Variants in ADARB1 observed in about 807,000 individuals in gnomAD.
ADARB1 encodes double-stranded RNA-specific editase 1.
ADARB1 carries 10 observed loss-of-function variants against 52.4 expected under a neutral mutation model. That is an observed-to-expected ratio of 0.19 (90% CI 0.12 to 0.32). The LOEUF (loss-of-function observed/expected upper bound fraction) is 0.32, where lower values mean the gene tolerates loss of function less well. Ranked by LOEUF, ADARB1 falls within the 10% of genes least tolerant of loss-of-function variation. The probability of loss-of-function intolerance (pLI) is 1.00; values close to 1 mark genes in which losing one functional copy is unlikely to be tolerated. For synonymous variants in ADARB1, 349 were observed against 371.1 expected, an observed-to-expected ratio of 0.94 and a Z score of 0.68; for missense variants, 643 against 922.3, an observed-to-expected ratio of 0.70 and a Z score of 3.92.
chr21:45,135,755 T>TAC (rs2089324397), intron 2 of ADARB1, among the ~76,000 whole-genome samples: 2 of 151,884 alleles, frequency 1.3e-5, no homozygotes, highest in Non-Finnish European at 2.9e-5. Flanking sequence ...AAAAAAAACA[T>TAC]ATGAAGTGTA....
In ADARB1 at chr21:45,204,410, TG is replaced by T. The variant is rs1159977825; in HGVS notation, c.1566-144del. 4.4e-6 allele frequency: 3 copies of T among 687,180 alleles called. No individual in the cohort carries two copies. Among genetic ancestry groups the T allele is most frequent in the Non-Finnish European group, 7.4e-6 (3 of 407,920 alleles). 42.6% of individuals were successfully genotyped at this position (687,180 alleles called of 1,614,324 possible). A position where few individuals can be genotyped will look rare whatever the true frequency, so the allele number is the denominator to read the frequency against. On this transcript the variant is annotated intron_variant, in intron 8 of 10. Coordinates refer to ENST00000348831, the MANE Select transcript of ADARB1 (RefSeq NM_001112.4). This position sits in a 1 kb window ranked among gnomAD's most constrained non-coding sequence, Gnocchi z 4.4. ...GTGATCGTAAGCTGCTAAATCAGTC[TG>T]TTAACTTTTTGTTGCACTCCTTCGT...
At chr21:45,081,526 T>A (rs1005376999) in intron 1 of ADARB1, among the ~76,000 whole-genome samples, 9 of 152,158 alleles carry the variant, frequency 5.9e-5, no homozygotes, top group African/African-American at 9.7e-5. Flanking sequence ...TAAGCTTTGA[T>A]GTTTGGTAGG....
At chr21:45,213,935 G>A (rs2092815504) in intron 9 of ADARB1, among the ~76,000 whole-genome samples, 1 of 152,156 alleles carries the variant, frequency 6.6e-6, no homozygotes, top group Non-Finnish European at 1.5e-5. Context: ...TCCTAAGATA[G>A]GTGTATGTTG....
chr21:45,119,695 T>C (rs1157539229), intron 1 of ADARB1, among the ~76,000 whole-genome samples: 1 of 152,344 alleles, frequency 6.6e-6, no homozygotes, highest in East Asian at 1.9e-4. Flanking sequence ...ATGTTACTGC[T>C]GCATCAGAAT....
rs1274817143 is a variant in ADARB1 at position 45,116,656 on chromosome 21, A to G, written c.-219-11746A>G. Among the ~76,000 whole-genome samples, 5 of 152,324 alleles carry G rather than the reference A, an allele frequency of 3.3e-5. No homozygotes were observed. The East Asian group carries it at 9.6e-4, about 29-fold the overall frequency. ...TTACAATCATGGTGGAAGGGGAAGC[A>G]AACACATCATTCTTCACATGGCAAC... On this transcript the variant is annotated intron_variant, in intron 1 of 10. Coordinates refer to ENST00000348831, the MANE Select transcript of ADARB1 (RefSeq NM_001112.4).
chr21:45,131,310 C>G (rs2088916876), intron 2 of ADARB1, among the ~76,000 whole-genome samples: 1 of 152,188 alleles, frequency 6.6e-6, no homozygotes, highest in Non-Finnish European at 1.5e-5. Flanking sequence ...GCATTACTTT[C>G]TGAAATGGTC....
intron 1 of ADARB1, among the ~76,000 whole-genome samples, chr21:45,098,621 C>T (rs2086869554): frequency 6.6e-6 from 1 of 152,196 alleles, no homozygotes; most frequent in South Asian, 2.1e-4. Flanking sequence ...GCCTCAGTTT[C>T]CCTATGTGCA....
At position 45,200,368 on chromosome 21, in the gene ADARB1, G is replaced by A. The variant is rs970185122; in HGVS notation, c.1566-4187G>A. 1.3e-5 allele frequency among the ~76,000 whole-genome samples: 2 copies of A among 152,188 alleles called. No homozygotes were observed. The highest frequency in any genetic ancestry group is 2.4e-5 in the African/African-American group (1 of 41,446). On this transcript the variant is annotated intron_variant, in intron 8 of 10. Transcript: ENST00000348831. This position sits in a 1 kb window ranked among gnomAD's most constrained non-coding sequence, Gnocchi z 5.0. ...GCTCCCATGGGGTTGGCCACCCCAC[G>A]GTGATTATGTTGGCGCGGGAGCCGT...
At chr21:45,108,495 A>T (rs2087359718) in intron 1 of ADARB1, among the ~76,000 whole-genome samples, 1 of 152,222 alleles carries the variant, frequency 6.6e-6, no homozygotes, top group African/African-American at 2.4e-5. Context: ...TTATAACAAA[A>T]GCAGCACTAA....
At chr21:45,186,867 G>A (rs924703349) in intron 8 of ADARB1, among the ~76,000 whole-genome samples, 3 of 152,130 alleles carry the variant, frequency 2.0e-5, no homozygotes, top group African/African-American at 7.2e-5. Flanking sequence ...TTATTACTGT[G>A]CTGTCTGTTC....
intron 9 of ADARB1, among the ~76,000 whole-genome samples, chr21:45,213,387 C>G (rs1277145364): frequency 6.6e-6 from 1 of 152,060 alleles, no homozygotes; most frequent in East Asian, 1.9e-4. Context: ...TGTCTTTTCA[C>G]AACTTTATTG....
Position 45,128,693 on chromosome 21 carries a change from C to T in ADARB1, c.-48+120C>T, listed in dbSNP as rs919263699. ...TTGAAAGATGCTTTATTGAATACTT[C>T]CCGGCACAGATGATCTGTTACTGTT... is the stretch of plus-strand genomic sequence containing the variant. On this transcript the variant is annotated intron_variant, in intron 2 of 10. Transcript: ENST00000348831. This position sits in a 1 kb window ranked among gnomAD's most constrained non-coding sequence, Gnocchi z 4.6. 4 of 152,246 alleles carry T rather than the reference C, an allele frequency of 2.6e-5. No individual in the cohort carries two copies. Among genetic ancestry groups the T allele is most frequent in the African/African-American group, 9.7e-5 (4 of 41,444 alleles). 9.4% of individuals were successfully genotyped at this position (152,246 alleles called of 1,614,324 possible). A position where few individuals can be genotyped will look rare whatever the true frequency, so the allele number is the denominator to read the frequency against.
chr21:45,202,711 C>T (rs541518596), intron 8 of ADARB1, among the ~76,000 whole-genome samples: 5 of 152,180 alleles, frequency 3.3e-5, no homozygotes, highest in Non-Finnish European at 7.3e-5. Context: ...TACTGCTGAG[C>T]GTCTTCCCCT....
chr21:45,085,228 G>C (rs1413601887), intron 1 of ADARB1, among the ~76,000 whole-genome samples: 1 of 152,184 alleles, frequency 6.6e-6, no homozygotes, highest in Non-Finnish European at 1.5e-5. Flanking sequence ...GTGCACCCTG[G>C]CTGTGAGAAC....
At chr21:45,118,033 G>A (rs1298323308) in intron 1 of ADARB1, among the ~76,000 whole-genome samples, 1 of 152,166 alleles carries the variant, frequency 6.6e-6, no homozygotes, top group Non-Finnish European at 1.5e-5. Flanking sequence ...CTATCATTAG[G>A]CTCCCTGTGC....
rs1289186568 is a variant in ADARB1 at position 45,222,186 on chromosome 21, C to T, written c.2095C>T (p.Leu699Phe). 2 of 1,579,228 alleles carry T rather than the reference C, an allele frequency of 1.3e-6. No individual in the cohort carries two copies. The highest frequency in any genetic ancestry group is 1.8e-5 in the Admixed American group (1 of 54,836). Reference sequence around the variant, plus strand: ...GCCCACCGAGCAGGACCAGTTCTCACTCACGCCCTGACCCGGGCAGACATG... The same window carrying T: ...GCCCACCGAGCAGGACCAGTTCTCATTCACGCCCTGACCCGGGCAGACATG... ...EKPTEQDQFS[L>F]TP The change falls in exon 11 of 11, where the codon CTC becomes TTC. Residue 699 changes from leucine to phenylalanine, a missense_variant. Leu to Phe is a conservative substitution (Grantham distance 22). This residue lies in a region of ADARB1 where 263 missense variants were observed against 475.8 expected (regional missense o/e 0.55). Coordinates refer to ENST00000348831, the MANE Select transcript of ADARB1 (RefSeq NM_001112.4).
chr21:45,106,431 G>A (rs1206407826), intron 1 of ADARB1, among the ~76,000 whole-genome samples: 1 of 152,214 alleles, frequency 6.6e-6, no homozygotes, highest in East Asian at 1.9e-4. Context: ...GGAGAGAGAG[G>A]GGGTGGCTAG....
At chr21:45,136,012 A>T (rs570144523) in intron 2 of ADARB1, among the ~76,000 whole-genome samples, 56 of 152,324 alleles carry the variant, frequency 3.7e-4, no homozygotes, top group African/African-American at 1.3e-3. Flanking sequence ...GAGCAGGGAC[A>T]CAATGTGAGT....
chr21:45,189,005 C>T (rs1030220400), intron 8 of ADARB1, among the ~76,000 whole-genome samples: 1 of 152,150 alleles, frequency 6.6e-6, no homozygotes, highest in Non-Finnish European at 1.5e-5. Context: ...GGGAAACTCC[C>T]CTTTATAAAA....
Sources: allele counts gnomAD v4.1 joint callset (sites outside exome capture counted in the v4.1 genomes callset), GRCh38; gene constraint gnomAD v4.1.1; regional missense constraint gnomAD v4.1.1; non-coding constraint Gnocchi (gnomAD v3.1); transcripts MANE v1.5; gene names NCBI Gene and HGNC (gene_info 2026-07-23, HGNC 2026-07-21).